CTNNA3: variants seen among roughly 807,000 people sequenced by gnomAD.
CTNNA3 encodes the protein catenin alpha 3.
A neutral mutation model predicts 95.7 loss-of-function variants in CTNNA3; 76 were observed. The ratio of observed to expected loss-of-function variants is 0.79; its 90% confidence interval spans 0.66 to 0.96. The LOEUF (loss-of-function observed/expected upper bound fraction) is 0.96. CTNNA3 is among the 40% of genes least tolerant of loss of function. The pLI is 0.00. For missense variants in CTNNA3, 1,191 were observed against 1,089.8 expected, an observed-to-expected ratio of 1.09 and a Z score of -1.31; for synonymous variants, 431 against 374.4, an observed-to-expected ratio of 1.15 and a Z score of -1.74.
At chr10:66,222,218 C>T (rs2088970361) in intron 13 of CTNNA3, among the ~76,000 whole-genome samples, 1 of 152,092 alleles carries the variant, frequency 6.6e-6, no homozygotes, top group African/African-American at 2.4e-5. Context: ...TTTACTTCTA[C>T]ATCACTTTTT....
At chr10:67,711,641 G>C (rs1025740151) in intron 1 of CTNNA3, among the ~76,000 whole-genome samples, 7 of 151,604 alleles carry the variant, frequency 4.6e-5, no homozygotes, top group Admixed American at 1.3e-4. Flanking sequence ...GTGCAGGTTA[G>C]TTACATATGT....
chr10:66,736,021 T>C (rs537101481), intron 9 of CTNNA3, among the ~76,000 whole-genome samples: 1 of 152,162 alleles, frequency 6.6e-6, no homozygotes, highest in South Asian at 2.1e-4. Context: ...ATCCCAGAAA[T>C]AGAAAAATGC....
At chr10:67,077,300 AATC>A (rs1856793299) in intron 7 of CTNNA3, among the ~76,000 whole-genome samples, 1 of 152,166 alleles carries the variant, frequency 6.6e-6, no homozygotes, top group Admixed American at 6.5e-5. Flanking sequence ...CTCGTGCTTA[AATC>A]CTTCATTGGC....
chr10:67,194,575 G>T (rs1863263870), intron 6 of CTNNA3, among the ~76,000 whole-genome samples: 2 of 150,944 alleles, frequency 1.3e-5, no homozygotes, highest in Non-Finnish European at 1.5e-5. Flanking sequence ...AGGGATGGAG[G>T]AACAGGCAGA....
At chr10:66,148,468 G>A (rs955860252) in intron 13 of CTNNA3, among the ~76,000 whole-genome samples, 5 of 152,050 alleles carry the variant, frequency 3.3e-5, no homozygotes, top group African/African-American at 7.2e-5. Flanking sequence ...GTGATTAGTC[G>A]TGAGGTCTCT....
chr10:67,359,621 G>A (rs1005654784), intron 5 of CTNNA3, among the ~76,000 whole-genome samples: 7 of 152,244 alleles, frequency 4.6e-5, no homozygotes, highest in South Asian at 2.1e-4. Flanking sequence ...AGACCAACCT[G>A]AGGAAAGAAT....
chr10:66,852,048 C>T (rs1843517509), intron 7 of CTNNA3, among the ~76,000 whole-genome samples: 3 of 151,838 alleles, frequency 2.0e-5, no homozygotes, highest in South Asian at 2.1e-4. Flanking sequence ...AAGGTGGAGC[C>T]CAGGAATACA....
chr10:66,769,241 C>A (rs1839987648), intron 8 of CTNNA3, among the ~76,000 whole-genome samples: 3 of 152,176 alleles, frequency 2.0e-5, no homozygotes, highest in African/African-American at 7.2e-5. Context: ...TCTTTTCGTC[C>A]CATGACAGAA....
intron 1 of CTNNA3, among the ~76,000 whole-genome samples, chr10:67,690,794 A>T (rs548112437): frequency 6.6e-6 from 1 of 152,226 alleles, no homozygotes; most frequent in Non-Finnish European, 1.5e-5. Flanking sequence ...GCGATGAGAA[A>T]AGGAGCTTGT....
intron 14 of CTNNA3, among the ~76,000 whole-genome samples, chr10:66,083,952 A>G (rs111365212): frequency 0.022 from 3,404 of 152,064 alleles, 129 homozygotes; most frequent in African/African-American, 0.078. Context: ...CCTGACCAAC[A>G]TGGAGAAACC....
intron 2 of CTNNA3, among the ~76,000 whole-genome samples, chr10:67,638,362 G>C (rs1839400481): frequency 6.6e-6 from 1 of 152,134 alleles, no homozygotes; most frequent in African/African-American, 2.4e-5. Context: ...CATAAAGCAA[G>C]TCCTTAGAGA....
At chr10:66,244,046 G>C (rs1320160495) in intron 13 of CTNNA3, among the ~76,000 whole-genome samples, 1 of 151,800 alleles carries the variant, frequency 6.6e-6, no homozygotes, top group East Asian at 1.9e-4. Context: ...CCCAGACCTT[G>C]TAGCATTTAC....
At chr10:67,603,302 A>T (rs1054213908) in intron 3 of CTNNA3, among the ~76,000 whole-genome samples, 24 of 152,222 alleles carry the variant, frequency 1.6e-4, no homozygotes, top group Admixed American at 6.5e-4. Context: ...TCAACAACAG[A>T]TGCGTACATG....
intron 17 of CTNNA3, among the ~76,000 whole-genome samples, chr10:65,957,009 T>C (rs538619513): frequency 5.9e-5 from 9 of 152,146 alleles, no homozygotes; most frequent in Non-Finnish European, 1.3e-4. Context: ...CCCATTATTA[T>C]TGTGTGGGAG....
chr10:66,400,906 A>G (rs939327633), intron 11 of CTNNA3, among the ~76,000 whole-genome samples: 42 of 152,276 alleles, frequency 2.8e-4, no homozygotes, highest in African/African-American at 9.6e-4. Context: ...CAACACAGAC[A>G]TAGAAATAAG....
At chr10:67,714,500 G>T (rs767267059) in intron 1 of CTNNA3, among the ~76,000 whole-genome samples, 2 of 152,156 alleles carry the variant, frequency 1.3e-5, no homozygotes, top group African/African-American at 4.8e-5. Context: ...ATGCCTGTAC[G>T]CCCATTGTAG....
At chr10:66,030,371 A>C (rs1289235766) in intron 15 of CTNNA3, among the ~76,000 whole-genome samples, 1 of 151,920 alleles carries the variant, frequency 6.6e-6, no homozygotes, top group Non-Finnish European at 1.5e-5. Flanking sequence ...AACAGACACA[A>C]TTGAAACAAT....
intron 5 of CTNNA3, among the ~76,000 whole-genome samples, chr10:67,331,035 G>A (rs1841773488): frequency 6.6e-6 from 1 of 152,102 alleles, no homozygotes; most frequent in South Asian, 2.1e-4. Context: ...AGGTTTAGGG[G>A]GAAATTTTCT....
At position 65,989,737 on chromosome 10, in the gene CTNNA3, T is replaced by C. The variant is rs1344157184; in HGVS notation, c.2160-940A>G. On this transcript the variant is annotated intron_variant, in intron 15 of 17. Transcript: ENST00000433211. ...TGTTGAAAATATTTGAAGTCTTCTC[T>C]TCTAGCTATTTTGAAATATTCAATA... Among the ~76,000 whole-genome samples, 5 of 152,136 alleles carry C rather than the reference T, an allele frequency of 3.3e-5. No homozygotes were observed. The East Asian group carries it at 9.6e-4, about 29-fold the overall frequency.
Sources: allele counts gnomAD v4.1 joint callset (sites outside exome capture counted in the v4.1 genomes callset), GRCh38; gene constraint gnomAD v4.1.1; transcripts MANE v1.5; gene names NCBI Gene and HGNC (gene_info 2026-07-23, HGNC 2026-07-21).